CCDC30: variants seen among roughly 807,000 people sequenced by gnomAD.
CCDC30 encodes the protein coiled-coil domain-containing protein 30.
A neutral mutation model predicts 100.2 loss-of-function variants in CCDC30; 70 were observed. The observed-to-expected ratio is 0.70, with a 90% CI of 0.58 to 0.85. The LOEUF (loss-of-function observed/expected upper bound fraction) is 0.85, where lower values mean the gene tolerates loss of function less well. Ranked by LOEUF, CCDC30 falls within the 40% of genes least tolerant of loss-of-function variation. CCDC30 has a pLI of 0.00. For missense variants in CCDC30, 652 were observed against 771.2 expected (o/e 0.85, Z 1.83); for synonymous variants, 233 against 269.5 (o/e 0.86, Z 1.33).
At chr1:42,550,982 T>C (rs1458872527) in intron 6 of CCDC30, among the ~76,000 whole-genome samples, 1 of 152,252 alleles carries the variant, frequency 6.6e-6, no homozygotes, top group East Asian at 1.9e-4. Context: ...TTTATTCATT[T>C]TTTATTATAC....
chr1:42,615,453 A>G (rs1646708751), intron 11 of CCDC30, among the ~76,000 whole-genome samples: 1 of 151,972 alleles, frequency 6.6e-6, no homozygotes, highest in South Asian at 2.1e-4. Flanking sequence ...GCACGCCACT[A>G]CTGCCCGGCT....
intron 14 of CCDC30, among the ~76,000 whole-genome samples, chr1:42,645,024 G>A (rs1322949609): frequency 6.6e-6 from 1 of 152,062 alleles, no homozygotes; most frequent in Non-Finnish European, 1.5e-5. Flanking sequence ...CCTCCTGTGT[G>A]ATCTCCAAGC....
the CCDC30 span, chr1:42,456,784 C>G: frequency 6.2e-7 from 1 of 1,613,060 alleles, no homozygotes; most frequent in African/African-American, 1.3e-5. Flanking sequence ...CCGAGGCCTT[C>G]CTAGCCGCCG....
At chr1:42,646,967 G>A (rs1280782383) in intron 15 of CCDC30, among the ~76,000 whole-genome samples, 1 of 152,150 alleles carries the variant, frequency 6.6e-6, no homozygotes, top group Non-Finnish European at 1.5e-5. Flanking sequence ...GGGCGTGGTG[G>A]TATGTGCTTG....
At chr1:42,604,876 T>C (rs1646473415) in intron 10 of CCDC30, among the ~76,000 whole-genome samples, 1 of 152,222 alleles carries the variant, frequency 6.6e-6, no homozygotes, top group Non-Finnish European at 1.5e-5. Flanking sequence ...GAAGAGGCCA[T>C]TACTTTCCAT....
the CCDC30 span, chr1:42,457,330 T>C: frequency 6.2e-7 from 1 of 1,614,094 alleles, no homozygotes; most frequent in South Asian, 1.1e-5. Context: ...CAAGATCCAG[T>C]CATCTGGGGG....
intron 6 of CCDC30, among the ~76,000 whole-genome samples, chr1:42,547,030 T>C (rs896849774): frequency 3.9e-5 from 6 of 152,156 alleles, no homozygotes; most frequent in African/African-American, 1.4e-4. Flanking sequence ...GGAGATTATT[T>C]TGCGAGTTTG....
chr1:42,574,946 C>T (rs1218115627), intron 7 of CCDC30, among the ~76,000 whole-genome samples: 2 of 152,150 alleles, frequency 1.3e-5, no homozygotes, highest in Non-Finnish European at 2.9e-5. Flanking sequence ...GCTTTAATTG[C>T]TTTGTCTCAT....
intron 4 of CCDC30, among the ~76,000 whole-genome samples, chr1:42,495,523 T>TAAA (rs1248896575): frequency 1.6e-5 from 2 of 124,572 alleles, no homozygotes; most frequent in Admixed American, 1.6e-4. Context: ...AAAATAAAAA[T>TAAA]AAAAAAGCAA....
intron 11 of CCDC30, among the ~76,000 whole-genome samples, chr1:42,631,226 G>A (rs1436357292): frequency 1.3e-5 from 2 of 152,100 alleles, no homozygotes; most frequent in African/African-American, 4.8e-5. Context: ...TAGAGGTACT[G>A]CCTTAATGGT....
chr1:42,471,096 T>A lies in CCDC30; in HGVS notation c.-92+7198T>A, dbSNP rs552193490. Among the ~76,000 whole-genome samples the A allele has an allele frequency of 8.5e-5, 13 of 152,284 alleles. 1 individual carries two copies. Among genetic ancestry groups the A allele is most frequent in the Admixed American group, 7.2e-4 (11 of 15,292 alleles). The stretch of plus-strand genomic sequence containing the variant: ...AAGGACTCAGGTGTAGCCATGAGGA[T>A]GGGCAGCTAAATAAAATGTGCATAA... On this transcript the variant is annotated intron_variant, in intron 1 of 16. Transcript: ENST00000668663.
At chr1:42,507,611 A>AT (rs745477894) in intron 6 of CCDC30, among the ~76,000 whole-genome samples, 1 of 152,226 alleles carries the variant, frequency 6.6e-6, no homozygotes, top group Non-Finnish European at 1.5e-5. Flanking sequence ...ATGTAAATCT[A>AT]TTTTTAGTAG....
intron 6 of CCDC30, chr1:42,509,925 G>A (rs560525381): frequency 4.4e-5 from 16 of 359,904 alleles, no homozygotes; most frequent in African/African-American, 3.5e-4. Flanking sequence ...TCAAGCTTCT[G>A]GGTTCCCTTC....
At chr1:42,587,649 G>C (rs1451449374) in intron 9 of CCDC30, among the ~76,000 whole-genome samples, 8 of 152,158 alleles carry the variant, frequency 5.3e-5, no homozygotes, top group Non-Finnish European at 1.2e-4. Context: ...CCAATAACCT[G>C]TTGATTTCTC....
chr1:42,461,032 A>C (rs1350603058), upstream of CCDC30, among the ~76,000 whole-genome samples: 1 of 152,240 alleles, frequency 6.6e-6, no homozygotes, highest in East Asian at 1.9e-4. Context: ...TAGTGCAAAA[A>C]AATTCCCTAA....
intron 10 of CCDC30, among the ~76,000 whole-genome samples, chr1:42,607,965 A>T (rs985191624): frequency 6.6e-6 from 1 of 152,200 alleles, no homozygotes; most frequent in Admixed American, 6.5e-5. Flanking sequence ...TCAACACCAA[A>T]GATGTTGAAG....
At chr1:42,489,844 T>C (rs1177314461) in intron 3 of CCDC30, 2 of 171,286 alleles carry the variant, frequency 1.2e-5, no homozygotes, top group Non-Finnish European at 2.5e-5. Context: ...GGTAGTACCA[T>C]ACCTAAAAAC....
At chr1:42,588,618 AG>A (rs748564390) in intron 9 of CCDC30, among the ~76,000 whole-genome samples, 1 of 152,182 alleles carries the variant, frequency 6.6e-6, no homozygotes, top group African/African-American at 2.4e-5. Context: ...TCTTGTGAAA[AG>A]GTCTGTGGAG....
intron 6 of CCDC30, among the ~76,000 whole-genome samples, chr1:42,524,828 C>T (rs943419963): frequency 1.3e-5 from 2 of 152,176 alleles, no homozygotes; most frequent in South Asian, 2.1e-4. Flanking sequence ...CAAAAATATT[C>T]GTATCAGACA....
Sources: gnomAD v4.1 joint callset for allele counts (sites outside exome capture counted in the v4.1 genomes callset) on GRCh38, gnomAD v4.1.1 for gene constraint, MANE v1.5 for transcripts, NCBI Gene and HGNC (gene_info 2026-07-23, HGNC 2026-07-21) for gene names.